Variants in CCDC172 observed in about 807,000 individuals in gnomAD.
CCDC172 encodes coiled-coil domain-containing protein 172.
In CCDC172, 30 loss-of-function variants were observed where a neutral mutation model predicts 38.0. The ratio of observed to expected loss-of-function variants is 0.79; its 90% CI spans 0.59 to 1.07. The LOEUF (loss-of-function observed/expected upper bound fraction) is 1.07, where lower values mean the gene tolerates loss of function less well. Among genes scored for constraint, CCDC172 ranks in the 50% least tolerant of loss-of-function variants. The pLI, the probability that CCDC172 is intolerant of heterozygous loss-of-function variation, is 0.00. For missense variants in CCDC172, 297 were observed against 290.1 expected (o/e 1.02, Z -0.17); for synonymous variants, 78 against 88.3 (o/e 0.88, Z 0.66).
At position 116,379,580 on chromosome 10, in the gene CCDC172, T is replaced by C. The variant is rs1845287528; in HGVS notation, c.*222T>C. 5.3e-6 allele frequency: 2 copies of C among 375,040 alleles called. No homozygotes were observed. The highest frequency in any genetic ancestry group is 8.3e-5 in the East Asian group (2 of 24,016). The allele number at this position is 375,040 out of a possible 1,614,324, so 23.2% of individuals were successfully genotyped here. A position where few individuals can be genotyped will look rare whatever the true frequency, so the allele number is the denominator to read the frequency against. On this transcript the variant is annotated 3_prime_UTR_variant, in exon 9 of 9. Coordinates refer to ENST00000333254, the MANE Select transcript of CCDC172 (RefSeq NM_198515.3). The stretch of plus-strand genomic sequence containing the variant: ...AGAGTTCTTCTGTGGTTTGATTTTG[T>C]TTCTAAAAGAAGGAAAAGGAGAAGA...
intron 5 of CCDC172, among the ~76,000 whole-genome samples, chr10:116,352,376 C>T (rs769413064): frequency 6.6e-6 from 1 of 152,112 alleles, no homozygotes; most frequent in East Asian, 1.9e-4. Context: ...AATTACAACT[C>T]AGAGCAAGGA....
intron 5 of CCDC172, among the ~76,000 whole-genome samples, chr10:116,350,399 T>C (rs568688531): frequency 1.4e-4 from 21 of 152,180 alleles, no homozygotes; most frequent in Non-Finnish European, 2.8e-4. Context: ...GCAAGGAGGA[T>C]TTCAAGATGG....
intron 3 of CCDC172, among the ~76,000 whole-genome samples, chr10:116,328,149 G>A (rs533292657): frequency 1.2e-3 from 184 of 152,066 alleles, no homozygotes; most frequent in African/African-American, 4.3e-3. Context: ...TGTAAAACCC[G>A]GATAGCATGT....
Position 116,358,620 on chromosome 10 carries a change from C to T in CCDC172, c.653+682C>T, listed in dbSNP as rs116006425. ...AAATGAAGCCTTCTTTCACATAAAT[C>T]GTATAGGAAATATGTCCACTAGAGC... is the stretch of plus-strand genomic sequence containing the variant. On this transcript the variant is annotated intron_variant, in intron 7 of 8. Coordinates refer to ENST00000333254, the MANE Select transcript of CCDC172 (RefSeq NM_198515.3). 4.4e-3 allele frequency among the ~76,000 whole-genome samples: 672 copies of T among 152,160 alleles called. 5 individuals are homozygous for T. Among genetic ancestry groups the T allele is most frequent in the African/African-American group, 0.015 (634 of 41,528 alleles).
At chr10:116,335,542 T>C (rs2134911896) in intron 3 of CCDC172, among the ~76,000 whole-genome samples, 1 of 152,180 alleles carries the variant, frequency 6.6e-6, no homozygotes, top group Middle Eastern at 3.4e-3. Context: ...CATTGGGGTT[T>C]TCATAAGATT....
intron 6 of CCDC172, 42 bp downstream of exon 6, chr10:116,357,523 GT>G: frequency 7.1e-7 from 1 of 1,400,516 alleles, no homozygotes; most frequent in Non-Finnish European, 9.6e-7. Flanking sequence ...GATAAATATA[GT>G]TATATATGCA....
chr10:116,342,890 A>C (rs1844813655), intron 5 of CCDC172, among the ~76,000 whole-genome samples: 1 of 151,990 alleles, frequency 6.6e-6, no homozygotes, highest in Non-Finnish European at 1.5e-5. Flanking sequence ...CCACGATTTT[A>C]AGTTTTCTGA....
At chr10:116,364,222 CAATAA>C (rs1356128544) in intron 7 of CCDC172, among the ~76,000 whole-genome samples, 8 of 151,976 alleles carry the variant, frequency 5.3e-5, no homozygotes, top group African/African-American at 1.7e-4. Flanking sequence ...TACTGATTAT[CAATAA>C]AATGTAAATT....
At chr10:116,354,369 G>T (rs1844968528) in intron 5 of CCDC172, among the ~76,000 whole-genome samples, 1 of 151,944 alleles carries the variant, frequency 6.6e-6, no homozygotes, top group Non-Finnish European at 1.5e-5. Flanking sequence ...AAAGTTAACT[G>T]TAAAACAGCC....
At chr10:116,369,616 C>T (rs549805554) in intron 7 of CCDC172, among the ~76,000 whole-genome samples, 12 of 152,080 alleles carry the variant, frequency 7.9e-5, no homozygotes, top group African/African-American at 2.6e-4. Context: ...CAACCAGTCT[C>T]ATATGAATAG....
chr10:116,326,272 C>T (rs948085191), intron 3 of CCDC172, among the ~76,000 whole-genome samples: 2 of 152,094 alleles, frequency 1.3e-5, no homozygotes, highest in African/African-American at 4.8e-5. Context: ...TCTTTCTGAG[C>T]TCTGATTGGG....
chr10:116,359,077 T>C (rs1306380093), intron 7 of CCDC172, among the ~76,000 whole-genome samples: 1 of 152,216 alleles, frequency 6.6e-6, no homozygotes, highest in Non-Finnish European at 1.5e-5. Flanking sequence ...TTAAATTAAA[T>C]GCCAATATTT....
chr10:116,346,959 A>C (rs568749664), intron 5 of CCDC172, among the ~76,000 whole-genome samples: 38 of 152,202 alleles, frequency 2.5e-4, no homozygotes, highest in Non-Finnish European at 5.0e-4. Flanking sequence ...AACATATATA[A>C]GTAGACTTAA....
At chr10:116,357,246 T>C in intron 5 of CCDC172, 134 bp from the exon 6 acceptor site, 1 of 568,264 alleles carries the variant, frequency 1.8e-6, no homozygotes, top group Non-Finnish European at 3.0e-6. Context: ...GACATGGATA[T>C]CTTTTCACTT....
chr10:116,331,592 T>C (rs893169820), intron 3 of CCDC172, among the ~76,000 whole-genome samples: 8 of 152,142 alleles, frequency 5.3e-5, no homozygotes, highest in African/African-American at 1.9e-4. Flanking sequence ...AGTTAAAATT[T>C]TTCTCATAGA....
At chr10:116,360,511 G>T (rs755883849) in intron 7 of CCDC172, among the ~76,000 whole-genome samples, 2 of 152,198 alleles carry the variant, frequency 1.3e-5, no homozygotes, top group Admixed American at 1.3e-4. Flanking sequence ...CACTGGGAAA[G>T]TGCCACTTTG....
intron 7 of CCDC172, among the ~76,000 whole-genome samples, chr10:116,363,663 G>T (rs1279300216): frequency 1.3e-5 from 2 of 152,074 alleles, no homozygotes; most frequent in African/African-American, 2.4e-5. Flanking sequence ...TCGGCTGGGC[G>T]CAGTGAGTCA....
intron 3 of CCDC172, among the ~76,000 whole-genome samples, chr10:116,339,362 G>A (rs1193255840): frequency 2.0e-5 from 3 of 151,786 alleles, no homozygotes; most frequent in Non-Finnish European, 2.9e-5. Context: ...GCATTAAATA[G>A]TCACAAAATA....
intron 7 of CCDC172, among the ~76,000 whole-genome samples, chr10:116,374,295 T>C (rs1845220473): frequency 6.6e-6 from 1 of 152,144 alleles, no homozygotes; most frequent in Non-Finnish European, 1.5e-5. Context: ...GATGAAAGTT[T>C]CTGACTTAAG....
Sources: allele counts gnomAD v4.1 joint callset (sites outside exome capture counted in the v4.1 genomes callset), GRCh38; gene constraint gnomAD v4.1.1; transcripts MANE v1.5; gene names NCBI Gene and HGNC (gene_info 2026-07-23, HGNC 2026-07-21).